The following TCF4 variants were observed in gnomAD, a reference collection of about 807,000 sequenced individuals.
TCF4 encodes SL3-3 enhancer factor 2.
In TCF4, 3 loss-of-function variants were observed where a neutral mutation model predicts 82.1. The ratio of observed to expected loss-of-function variants is 0.04; its 90% CI spans 0.02 to 0.09. TCF4 has a LOEUF of 0.09. TCF4 is among the 10% of genes least tolerant of loss of function. TCF4 has a pLI of 1.00. For missense variants in TCF4, 518 were observed against 852.7 expected (o/e 0.61, Z 4.89); for synonymous variants, 276 against 309.6 (o/e 0.89, Z 1.14).
chr18:55,420,260 ATC>A (rs1487190777), intron 5 of TCF4, among the ~76,000 whole-genome samples: 1 of 152,174 alleles, frequency 6.6e-6, no homozygotes, highest in African/African-American at 2.4e-5. Flanking sequence ...AGTCATCTTT[ATC>A]ATCAGCTCAA....
At chr18:55,246,711 C>CT (rs3838899) in intron 15 of TCF4, among the ~76,000 whole-genome samples, 170 of 147,088 alleles carry the variant, frequency 1.2e-3, no homozygotes, top group East Asian at 4.5e-3. Context: ...CCTTTCTGTC[C>CT]TTTTTTTTTT....
At chr18:55,407,494 C>A (rs1050115072) in intron 5 of TCF4, among the ~76,000 whole-genome samples, 1 of 152,096 alleles carries the variant, frequency 6.6e-6, no homozygotes, top group Non-Finnish European at 1.5e-5. Context: ...AGGAAGTCAA[C>A]ATGTGTTCTG....
At chr18:55,503,624 A>T (rs1213158258) in intron 3 of TCF4, among the ~76,000 whole-genome samples, 1 of 152,212 alleles carries the variant, frequency 6.6e-6, no homozygotes, top group African/African-American at 2.4e-5. Context: ...CTAGAAAAAT[A>T]ACCAGCTCAA....
chr18:55,463,938 G>T, intron 4 of TCF4, 138 bp downstream of exon 4: 1 of 856,844 alleles, frequency 1.2e-6, no homozygotes, highest in Non-Finnish European at 2.0e-6. Context: ...GCGTGTGCAT[G>T]CCCATGCCTC....
chr18:55,476,545 G>A (rs1053396373), intron 3 of TCF4, among the ~76,000 whole-genome samples: 1 of 151,692 alleles, frequency 6.6e-6, no homozygotes, highest in Non-Finnish European at 1.5e-5. Flanking sequence ...GTGCGATCAG[G>A]GCTCGCTGCA....
chr18:55,452,710 G>T (rs540420231), intron 5 of TCF4: 2 of 152,486 alleles, frequency 1.3e-5, no homozygotes, highest in East Asian at 3.9e-4. Context: ...GGAAAGCAAA[G>T]GTAAGGAGAG....
chr18:55,458,725 G>A (rs1051740769), intron 5 of TCF4, among the ~76,000 whole-genome samples: 8 of 152,128 alleles, frequency 5.3e-5, no homozygotes, highest in African/African-American at 1.7e-4. Context: ...AAATTATAGC[G>A]ATGGGAAGTT....
chr18:55,401,887 G>A, intron 6 of TCF4: 1 of 860,156 alleles, frequency 1.2e-6, no homozygotes, highest in Non-Finnish European at 1.4e-6. Context: ...AGAAAGGAAG[G>A]ATGTTGTCAA....
At chr18:55,251,804 C>G (rs2055210391) in intron 15 of TCF4, among the ~76,000 whole-genome samples, 1 of 152,142 alleles carries the variant, frequency 6.6e-6, no homozygotes, top group South Asian at 2.1e-4. Flanking sequence ...ATACCTCCCA[C>G]GGCTACTTTA....
At chr18:55,584,675 C>A (rs9951495) in intron 3 of TCF4, among the ~76,000 whole-genome samples, 5 of 151,568 alleles carry the variant, frequency 3.3e-5, no homozygotes, top group African/African-American at 1.2e-4. Flanking sequence ...AGATTTGCAA[C>A]TTTAAATACA....
chr18:55,442,716 T>C (rs2095460374), intron 5 of TCF4, among the ~76,000 whole-genome samples: 1 of 152,220 alleles, frequency 6.6e-6, no homozygotes, highest in Non-Finnish European at 1.5e-5. Flanking sequence ...GATCTCAGAA[T>C]GCATAGCTTC....
chr18:55,562,624 C>G (rs966059733), intron 3 of TCF4, among the ~76,000 whole-genome samples: 3 of 152,168 alleles, frequency 2.0e-5, no homozygotes, highest in African/African-American at 7.2e-5. Context: ...TGGCCAAGGG[C>G]ACACCCTACC....
intron 3 of TCF4, among the ~76,000 whole-genome samples, chr18:55,503,177 C>T (rs1382077988): frequency 6.6e-6 from 1 of 152,200 alleles, no homozygotes; most frequent in South Asian, 2.1e-4. Context: ...ACCAACAAAA[C>T]AAAATAATTT....
In TCF4 at chr18:55,228,250, G is replaced by T. The variant is rs766841520; in HGVS notation, c.1991C>A (p.Ala664Glu). ...LAGPHPGMGDASNHMGQM is the reference protein window; with the variant it reads ...LAGPHPGMGDESNHMGQM ...TTACATCTGTCCCATGTGATTCGAT[G>T]CGTCTCCCATTCCAGGGTGTGGGCC... is the stretch of plus-strand genomic sequence containing the variant. The change falls in exon 19 of 20, where the codon GCA becomes GAA. Residue 664 changes from alanine (A) to glutamate (E), a missense_variant. Coordinates refer to ENST00000354452, the MANE Select transcript of TCF4 (RefSeq NM_001083962.2). 1 of 1,614,196 alleles carries T rather than the reference G, an allele frequency of 6.2e-7. No homozygotes were observed. Among genetic ancestry groups the T allele is most frequent in the Admixed American group, 1.7e-5 (1 of 60,030 alleles).
chr18:55,456,092 T>C (rs960624959), intron 5 of TCF4, among the ~76,000 whole-genome samples: 2 of 152,252 alleles, frequency 1.3e-5, no homozygotes, highest in Non-Finnish European at 2.9e-5. Flanking sequence ...TCTGAAGTAA[T>C]ACAAACCTAA....
intron 2 of TCF4, among the ~76,000 whole-genome samples, chr18:55,597,502 TA>T (rs1424770975): frequency 3.9e-5 from 6 of 151,952 alleles, no homozygotes; most frequent in South Asian, 4.2e-4. Context: ...CTGTCTTTAC[TA>T]AAAAAATACA....
At chr18:55,504,943 A>G (rs559185136) in intron 3 of TCF4, among the ~76,000 whole-genome samples, 1 of 152,314 alleles carries the variant, frequency 6.6e-6, no homozygotes, top group South Asian at 2.1e-4. Flanking sequence ...GCTAATCCTA[A>G]TATTAGTACC....
At chr18:55,366,368 A>C (rs564805588) in intron 6 of TCF4, among the ~76,000 whole-genome samples, 2 of 152,344 alleles carry the variant, frequency 1.3e-5, no homozygotes, top group African/African-American at 4.8e-5. Context: ...TTTGCTATAG[A>C]AATAATAATC....
intron 4 of TCF4, among the ~76,000 whole-genome samples, chr18:55,461,494 G>GA (rs899314578): frequency 6.6e-6 from 1 of 152,064 alleles, no homozygotes; most frequent in African/African-American, 2.4e-5. Flanking sequence ...TGCCACAAGG[G>GA]AAAATTAGGC....
Sources: gnomAD v4.1 joint callset for allele counts (sites outside exome capture counted in the v4.1 genomes callset) on GRCh38, gnomAD v4.1.1 for gene constraint, MANE v1.5 for transcripts, NCBI Gene and HGNC (gene_info 2026-07-23, HGNC 2026-07-21) for gene names.